ABCC8: variants seen among roughly 807,000 people sequenced by gnomAD.
The protein encoded by ABCC8 is ATP-binding cassette sub-family C member 8.
Under a neutral mutation model 188.0 loss-of-function variants are expected in ABCC8, and 137 were observed. The ratio of observed to expected loss-of-function variants is 0.73; its 90% CI spans 0.63 to 0.84. The LOEUF (loss-of-function observed/expected upper bound fraction) is 0.84, where lower values mean the gene tolerates loss of function less well. Ranked by LOEUF, ABCC8 falls within the 40% of genes least tolerant of loss-of-function variation. The probability of loss-of-function intolerance (pLI) is 0.00; values close to 1 mark genes in which losing one functional copy is unlikely to be tolerated. For synonymous variants in ABCC8, 797 were observed against 846.5 expected (o/e 0.94, Z 1.01); for missense variants, 1,750 against 2,072.7 (o/e 0.84, Z 3.02).
chr11:17,450,728 G>A (rs184370011), intron 7 of ABCC8, among the ~76,000 whole-genome samples: 4 of 112,658 alleles, frequency 3.6e-5, no homozygotes, highest in African/African-American at 7.1e-5. Context: ...TCACTCTGTC[G>A]CCCAAGCTGG....
Position 17,407,115 on chromosome 11 carries a change from T to G in ABCC8, c.2935A>C (p.Ser979Arg), listed in dbSNP as rs1013108643. Residue 979 changes from serine to arginine, a missense_variant, in exon 25 of 39, where the codon AGC becomes CGC. By Grantham distance (110) the Ser-to-Arg change is moderately radical. Transcript: ENST00000389817. ...GACGACAGGTTGTCATCCTCCTCGCTCTCAGCTGCCTCCTCTGCAGGCCGC... is the reference window on the plus strand; with the variant it reads ...GACGACAGGTTGTCATCCTCCTCGCGCTCAGCTGCCTCCTCTGCAGGCCGC... ...EEEEEEEAAE[S>R]EEDDNLSSML... 2.5e-6 allele frequency: 4 copies of G among 1,612,562 alleles called. No homozygotes were observed. The highest frequency in any genetic ancestry group is 3.4e-6 in the Non-Finnish European group (4 of 1,179,856).
chr11:17,468,873 A>G (rs745950599), intron 3 of ABCC8, among the ~76,000 whole-genome samples: 22 of 152,094 alleles, frequency 1.4e-4, no homozygotes, highest in Non-Finnish European at 2.9e-4. Flanking sequence ...GTAAACACCA[A>G]CCATCATCCT....
intron 20 of ABCC8, 170 bp from the exon 21 acceptor site, chr11:17,412,916 C>T (rs1041584441): frequency 7.1e-7 from 1 of 1,407,608 alleles, no homozygotes; most frequent in African/African-American, 1.4e-5. Context: ...TGAATTCATT[C>T]AGAAGAGGGC....
chr11:17,453,031 TG>T (rs1956869669), intron 7 of ABCC8, 87 bp downstream of exon 7: 1 of 1,196,954 alleles, frequency 8.4e-7, no homozygotes. Flanking sequence ...GAATTATTCT[TG>T]AGTGTCCATG....
chr11:17,447,939 A>T (rs144799570), intron 8 of ABCC8, among the ~76,000 whole-genome samples: 1 of 152,374 alleles, frequency 6.6e-6, no homozygotes, highest in East Asian at 1.9e-4. Context: ...GAATCTGTAC[A>T]AATGTATACA....
chr11:17,397,637 AGTGCTGGT>A (rs1564879044), intron 31 of ABCC8, 39 bp downstream of exon 31: 1 of 1,592,574 alleles, frequency 6.3e-7, no homozygotes, highest in South Asian at 1.1e-5. Context: ...GTGCTCCGGG[AGTGCTGGT>A]GTCTGACCCC....
intron 10 of ABCC8, among the ~76,000 whole-genome samples, chr11:17,433,302 T>C (rs192298140): frequency 6.6e-6 from 1 of 152,208 alleles, no homozygotes; most frequent in Admixed American, 6.5e-5. Context: ...GTTCTGCCAT[T>C]AGCCAAATTA....
rs1012413857 is a variant in ABCC8, at chr11:17,412,810, T to C, written c.2476-64A>G. 91 of 1,559,636 alleles carry C rather than the reference T, an allele frequency of 5.8e-5. 1 individual carries two copies. Among genetic ancestry groups the C allele is most frequent in the East Asian group, 2.4e-5 (1 of 41,468 alleles). ...ATTCAGGAGACACTGTCCTGTACCC[T>C]ACTGGACTATGAGCTCTTTGGGATG... On this transcript the variant is annotated intron_variant, in intron 20 of 38. Coordinates refer to ENST00000389817, the MANE Select transcript of ABCC8 (RefSeq NM_000352.6).
At chr11:17,402,417 C>T (rs1257174482) in intron 29 of ABCC8, among the ~76,000 whole-genome samples, 1 of 152,220 alleles carries the variant, frequency 6.6e-6, no homozygotes, top group Non-Finnish European at 1.5e-5. Context: ...TTTTCATGCT[C>T]TGCCTCACAG....
Position 17,402,768 on chromosome 11 carries a change from A to G in ABCC8, c.3558-15T>C. On this transcript the variant is annotated splice_polypyrimidine_tract_variant and intron_variant, in intron 28 of 38. Coordinates refer to ENST00000389817, the MANE Select transcript of ABCC8 (RefSeq NM_000352.6). ...GCTGCAGGTCCCTGTGGCGGGGAACAGAGTGGAACAGTTAAGAGGGCAGGC... is the reference window on the plus strand; with the variant it reads ...GCTGCAGGTCCCTGTGGCGGGGAACGGAGTGGAACAGTTAAGAGGGCAGGC... The G allele has an allele frequency of 1.9e-6, 3 of 1,614,186 alleles. No individual in the cohort carries two copies. The South Asian group carries it at 3.3e-5, about 18-fold the overall frequency.
chr11:17,393,885 C>A (rs553587824), intron 37 of ABCC8, 126 bp from the exon 38 acceptor site: 2 of 1,588,084 alleles, frequency 1.3e-6, no homozygotes, highest in South Asian at 2.2e-5. Flanking sequence ...GTCCCACCCC[C>A]ACCCCACAGG....
chr11:17,397,147 C>T (rs540076680), intron 32 of ABCC8, 46 bp downstream of exon 32: 2 of 1,613,378 alleles, frequency 1.2e-6, no homozygotes, highest in South Asian at 1.1e-5. Flanking sequence ...AACCCAGACA[C>T]ACTCCTCCTT....
chr11:17,393,074 C>T lies in ABCC8; in HGVS notation c.4663G>A (p.Ala1555Thr), dbSNP rs1369396308. The change falls in exon 39 of 39, where the codon GCC (alanine) becomes ACC (threonine). Residue 1555 changes from alanine to threonine, a missense_variant. By Grantham distance (58) the Ala-to-Thr change is moderately conservative. Coordinates refer to ENST00000389817, the MANE Select transcript of ABCC8 (RefSeq NM_000352.6). ...ADLVIVLKRG[A>T]ILEFDKPEKL... ...TCTGGCTTATCGAACTCAAGGATGG[C>T]ACCCCGCTTCAGGACGATCACCAGG... The T allele has an allele frequency of 1.2e-6, 2 of 1,614,078 alleles. No individual in the cohort carries two copies. The highest frequency in any genetic ancestry group is 8.5e-7 in the Non-Finnish European group (1 of 1,180,020).
chr11:17,394,118 T>TC (rs1367947296), intron 37 of ABCC8, 148 bp downstream of exon 37: 5 of 1,076,842 alleles, frequency 4.6e-6, no homozygotes, highest in African/African-American at 3.1e-5. Context: ...AGAGTCAGGG[T>TC]CCCCCCAGCT....
chr11:17,393,807 G>T (rs778501740), intron 37 of ABCC8, 48 bp from the exon 38 acceptor site: 46 of 1,614,006 alleles, frequency 2.9e-5, no homozygotes, highest in Non-Finnish European at 3.9e-5. Context: ...CAGTGGATGG[G>T]GTCTGGCCTG....
intron 3 of ABCC8, among the ~76,000 whole-genome samples, chr11:17,469,051 CTCCCTCCTCCCTCCCTCCCT>C (rs1848324496): frequency 7.0e-4 from 1 of 1,434 alleles, no homozygotes; most frequent in African/African-American, 2.9e-3. Context: ...TTTCTTCTCC[CTCCCTCCTCCCTCCCTCCCT>C]TCCCTCCCTC....
rs562768032 is a variant in ABCC8, at chr11:17,413,635, T to C, written c.2391-157A>G. 3.0e-5 allele frequency: 43 copies of C among 1,454,258 alleles called. 1 individual carries two copies. The South Asian group carries it at 5.1e-4, about 17-fold the overall frequency. 90.1% of individuals were successfully genotyped at this position (1,454,258 alleles called of 1,614,324 possible). A position where few individuals can be genotyped will look rare whatever the true frequency, so the allele number is the denominator to read the frequency against. ...GGTGCAAGCAAACACCGTGTGAGCT[T>C]GAAAAGAGCTGAGGTCAGCACTTCA... On this transcript the variant is annotated intron_variant, in intron 19 of 38. Transcript: ENST00000389817.
At chr11:17,468,467 T>C (rs569212914) in intron 3 of ABCC8, among the ~76,000 whole-genome samples, 1 of 152,244 alleles carries the variant, frequency 6.6e-6, no homozygotes, top group Non-Finnish European at 1.5e-5. Context: ...AAGGACGAAG[T>C]CTGAGGGCCC....
At chr11:17,413,158 G>A (rs573467349) in intron 20 of ABCC8, among the ~76,000 whole-genome samples, 12 of 152,270 alleles carry the variant, frequency 7.9e-5, no homozygotes, top group African/African-American at 2.6e-4. Context: ...TACCTGGGGT[G>A]CAAATGAAGA....
Sources: gnomAD v4.1 joint callset for allele counts (sites outside exome capture counted in the v4.1 genomes callset) on GRCh38, gnomAD v4.1.1 for gene constraint, MANE v1.5 for transcripts, NCBI Gene and HGNC (gene_info 2026-07-23, HGNC 2026-07-21) for gene names.